CNGB3: variants seen among roughly 807,000 people sequenced by gnomAD.
CNGB3 encodes cyclic nucleotide gated channel subunit beta 3.
CNGB3 carries 86 observed loss-of-function variants against 92.8 expected under a neutral mutation model. The ratio of observed to expected loss-of-function variants is 0.93; its 90% CI spans 0.78 to 1.11. CNGB3 has a LOEUF of 1.11. Among genes scored for constraint, CNGB3 ranks in the 50% least tolerant of loss-of-function variants. CNGB3 has a pLI of 0.00. For synonymous variants in CNGB3, 333 were observed against 332.7 expected, an observed-to-expected ratio of 1.00 and a Z score of -0.01; for missense variants, 1,026 against 956.8, an observed-to-expected ratio of 1.07 and a Z score of -0.95.
At chr8:86,643,523 G>A (rs1823232676) in intron 10 of CNGB3, among the ~76,000 whole-genome samples, 1 of 151,252 alleles carries the variant, frequency 6.6e-6, no homozygotes, top group African/African-American at 2.4e-5. Flanking sequence ...GTGAGAACGT[G>A]TGATATTTAT....
In CNGB3 at chr8:86,735,042, GTTTTTTTTTTT is replaced by G. The variant is rs60107723; in HGVS notation, c.211+4602_211+4612del. On this transcript the variant is annotated intron_variant, in intron 2 of 17. Transcript: ENST00000320005. ...CATGTCAAATTCTCAAATGCCGGTGGTTTTTTTTTTTTTTTTTTTTTTTTTTTTGTATGGTA... is the reference window on the plus strand; with the variant it reads ...CATGTCAAATTCTCAAATGCCGGTGGTTTTTTTTTTTTTTTTTGTATGGTA... Among the ~76,000 whole-genome samples, 28 of 85,872 alleles carry G rather than the reference GTTTTTTTTTTT, an allele frequency of 3.3e-4. 1 individual carries two copies. Among genetic ancestry groups the G allele is most frequent in the African/African-American group, 1.2e-3 (25 of 20,544 alleles). The allele number at this position is 85,872 out of a possible 152,430, so 56.3% of individuals were successfully genotyped here.
chr8:86,678,850 G>A (rs1824025761), intron 3 of CNGB3, among the ~76,000 whole-genome samples: 2 of 152,116 alleles, frequency 1.3e-5, no homozygotes, highest in South Asian at 4.2e-4. Context: ...ATAACCAATG[G>A]CAACCCTTCC....
chr8:86,623,708 A>G (rs986889329), intron 13 of CNGB3, among the ~76,000 whole-genome samples: 2 of 151,838 alleles, frequency 1.3e-5, no homozygotes, highest in Non-Finnish European at 2.9e-5. Flanking sequence ...ACATCCAAAA[A>G]CAAAGAGTTG....
chr8:86,699,986 C>A (rs759819851), intron 3 of CNGB3, among the ~76,000 whole-genome samples: 2 of 152,104 alleles, frequency 1.3e-5, no homozygotes, highest in South Asian at 2.1e-4. Context: ...CCAAATCAAG[C>A]CAAATAAAAT....
At chr8:86,709,180 G>A (rs947614973) in intron 3 of CNGB3, among the ~76,000 whole-genome samples, 34 of 152,298 alleles carry the variant, frequency 2.2e-4, no homozygotes, top group African/African-American at 7.9e-4. Context: ...ACTAACAAAG[G>A]AGGTGGCCTT....
At chr8:86,587,866 T>C (rs2131542627) in intron 15 of CNGB3, among the ~76,000 whole-genome samples, 1 of 152,312 alleles carries the variant, frequency 6.6e-6, no homozygotes, top group Admixed American at 6.5e-5. Flanking sequence ...ATTTTCCAAT[T>C]CTGTGATGAA....
At chr8:86,684,809 A>G (rs2131630981) in intron 3 of CNGB3, among the ~76,000 whole-genome samples, 1 of 152,230 alleles carries the variant, frequency 6.6e-6, no homozygotes, top group Non-Finnish European at 1.5e-5. Context: ...GTAGAGATGG[A>G]GAATAGCGAT....
intron 3 of CNGB3, among the ~76,000 whole-genome samples, chr8:86,724,483 T>C (rs1825024882): frequency 6.6e-6 from 1 of 152,128 alleles, no homozygotes; most frequent in Non-Finnish European, 1.5e-5. Context: ...ATTCATTTGT[T>C]AAATATTTAT....
chr8:86,589,499 C>T (rs1015501718), intron 15 of CNGB3, among the ~76,000 whole-genome samples: 2 of 152,002 alleles, frequency 1.3e-5, no homozygotes, highest in African/African-American at 4.8e-5. Context: ...TCCCTCTACA[C>T]ACTGCTTTGA....
At chr8:86,724,087 A>T (rs1186177469) in intron 3 of CNGB3, among the ~76,000 whole-genome samples, 1 of 152,156 alleles carries the variant, frequency 6.6e-6, no homozygotes. Flanking sequence ...TACTGTGCTT[A>T]TTACCTGGCT....
At chr8:86,689,613 C>A (rs947890685) in intron 3 of CNGB3, among the ~76,000 whole-genome samples, 3 of 150,350 alleles carry the variant, frequency 2.0e-5, no homozygotes, top group African/African-American at 7.4e-5. Context: ...GCACAACGTG[C>A]AGGTTTGTTA....
At chr8:86,661,558 TA>T in intron 6 of CNGB3, 1 of 723,170 alleles carries the variant, frequency 1.4e-6, no homozygotes, top group Admixed American at 1.8e-5. Flanking sequence ...TAATTTTCTC[TA>T]ATGTTGCCAA....
intron 10 of CNGB3, among the ~76,000 whole-genome samples, chr8:86,641,539 A>G (rs921067571): frequency 2.6e-4 from 40 of 151,648 alleles, no homozygotes; most frequent in Non-Finnish European, 5.2e-4. Context: ...TGTGTCTTCT[A>G]TTGTCCTGCC....
chr8:86,700,159 AAT>A (rs1204905773), intron 3 of CNGB3, among the ~76,000 whole-genome samples: 2 of 152,198 alleles, frequency 1.3e-5, no homozygotes, highest in African/African-American at 4.8e-5. Context: ...TATGAGAAGC[AAT>A]GTTTTTTTTA....
At chr8:86,662,559 T>C (rs951688348) in intron 6 of CNGB3, among the ~76,000 whole-genome samples, 6 of 152,218 alleles carry the variant, frequency 3.9e-5, no homozygotes, top group African/African-American at 7.2e-5. Context: ...ATCTTCATAA[T>C]AGGTTTATGA....
At chr8:86,651,971 C>T (rs1391713954) in intron 7 of CNGB3, among the ~76,000 whole-genome samples, 2 of 151,838 alleles carry the variant, frequency 1.3e-5, no homozygotes, top group African/African-American at 4.8e-5. Context: ...TTACATAAAC[C>T]TAGATGTATT....
At chr8:86,697,502 A>G (rs1824471250) in intron 3 of CNGB3, among the ~76,000 whole-genome samples, 1 of 152,208 alleles carries the variant, frequency 6.6e-6, no homozygotes, top group African/African-American at 2.4e-5. Context: ...TCAGCTTGCT[A>G]TGAATTCACT....
intron 6 of CNGB3, chr8:86,657,989 G>C: frequency 1.8e-6 from 1 of 546,836 alleles, no homozygotes; most frequent in Non-Finnish European, 3.6e-6. Context: ...TGGATGCAGC[G>C]ACGTTCCAGT....
At chr8:86,707,411 A>T (rs1695773798) in intron 3 of CNGB3, 1 of 152,284 alleles carries the variant, frequency 6.6e-6, no homozygotes, top group Non-Finnish European at 1.5e-5. Context: ...TGGTCAGAAA[A>T]GGCCTCTCCA....
Sources: gnomAD v4.1 joint callset for allele counts (sites outside exome capture counted in the v4.1 genomes callset) on GRCh38, gnomAD v4.1.1 for gene constraint, MANE v1.5 for transcripts, NCBI Gene and HGNC (gene_info 2026-07-23, HGNC 2026-07-21) for gene names.